Variants in ASTN2 observed in about 807,000 individuals in gnomAD.
ASTN2 encodes the protein astrotactin-2.
Under a neutral mutation model 139.8 loss-of-function variants are expected in ASTN2, and 54 were observed. The ratio of observed to expected loss-of-function variants is 0.39; its 90% confidence interval spans 0.31 to 0.48. The LOEUF (loss-of-function observed/expected upper bound fraction) is 0.48. ASTN2 is among the 20% of genes least tolerant of loss of function. ASTN2 has a pLI of 0.95. For synonymous variants in ASTN2, 756 were observed against 719.5 expected (o/e 1.05, Z -0.81); for missense variants, 1,565 against 1,725.1 (o/e 0.91, Z 1.64).
intron 10 of ASTN2, among the ~76,000 whole-genome samples, chr9:116,939,287 C>T (rs1835162534): frequency 6.6e-6 from 1 of 151,954 alleles, no homozygotes; most frequent in African/African-American, 2.4e-5. Flanking sequence ...TACATGGTAG[C>T]TAGCACACAG....
intron 3 of ASTN2, among the ~76,000 whole-genome samples, chr9:117,202,700 C>T (rs534403961): frequency 1.6e-4 from 24 of 152,252 alleles, no homozygotes; most frequent in Admixed American, 5.2e-4. Flanking sequence ...TGCTGAGAGG[C>T]CCACTGTTAT....
Position 116,911,975 on chromosome 9 carries a change from A to G in ASTN2, c.1890-48242T>C, listed in dbSNP as rs146218376. Among the ~76,000 whole-genome samples the G allele has an allele frequency of 2.0e-3, 303 of 152,254 alleles. 2 individuals carry two copies. The highest frequency in any genetic ancestry group is 0.01 in the Middle Eastern group (3 of 294). On this transcript the variant is annotated intron_variant, in intron 10 of 22. Coordinates refer to ENST00000313400, the MANE Select transcript of ASTN2 (RefSeq NM_001365068.1). ...TCTATAAATCTAAAATTAGTTAAAA[A>G]AAACTTGCCTAGAAACAACAACAAT...
intron 19 of ASTN2, among the ~76,000 whole-genome samples, chr9:116,613,827 G>A (rs1247559831): frequency 6.6e-6 from 1 of 152,182 alleles, no homozygotes; most frequent in Non-Finnish European, 1.5e-5. Flanking sequence ...AGACAGGGAT[G>A]CCCTCTCTCA....
At chr9:116,858,869 A>T (rs566516873) in intron 11 of ASTN2, among the ~76,000 whole-genome samples, 1 of 152,276 alleles carries the variant, frequency 6.6e-6, no homozygotes, top group South Asian at 2.1e-4. Context: ...TTTTATTGCT[A>T]TTGTAGCAAA....
chr9:116,865,540 C>T (rs777147648), intron 10 of ASTN2, among the ~76,000 whole-genome samples: 23 of 150,878 alleles, frequency 1.5e-4, no homozygotes, highest in Non-Finnish European at 2.2e-4. Flanking sequence ...CTGCAGGGAG[C>T]TCTGGAGCTG....
intron 3 of ASTN2, among the ~76,000 whole-genome samples, chr9:117,167,989 G>A (rs1226765715): frequency 1.3e-5 from 2 of 152,086 alleles, no homozygotes; most frequent in East Asian, 3.9e-4. Flanking sequence ...AGAAACCCAG[G>A]GCAGTGGGCA....
At chr9:116,449,437 T>C (rs1470399439) in intron 20 of ASTN2, among the ~76,000 whole-genome samples, 1 of 152,146 alleles carries the variant, frequency 6.6e-6, no homozygotes, top group Non-Finnish European at 1.5e-5. Context: ...ATAAAATGTG[T>C]ATGATAATAT....
intron 17 of ASTN2, among the ~76,000 whole-genome samples, chr9:116,642,155 A>AAAAC (rs1554724609): frequency 6.7e-6 from 1 of 149,796 alleles, no homozygotes; most frequent in African/African-American, 2.5e-5. Flanking sequence ...ACAAAAAAAA[A>AAAAC]CAGAATCAGT....
At chr9:117,377,652 T>C (rs1830159195) in intron 1 of ASTN2, among the ~76,000 whole-genome samples, 2 of 150,564 alleles carry the variant, frequency 1.3e-5, no homozygotes, top group South Asian at 4.2e-4. Flanking sequence ...TATATATAAA[T>C]ATATATATAT....
At chr9:117,146,185 C>A (rs1830190776) in intron 3 of ASTN2, among the ~76,000 whole-genome samples, 1 of 152,072 alleles carries the variant, frequency 6.6e-6, no homozygotes, top group Non-Finnish European at 1.5e-5. Flanking sequence ...ATCAAGTTGT[C>A]CAAACAAGCC....
At chr9:116,983,948 C>T (rs11787811) in intron 7 of ASTN2, among the ~76,000 whole-genome samples, 2,835 of 152,148 alleles carry the variant, frequency 0.019, 44 homozygotes, top group Middle Eastern at 0.058. Flanking sequence ...GAAAAAGATG[C>T]TTACTTATAG....
chr9:116,539,534 T>C (rs1434758563), intron 19 of ASTN2, among the ~76,000 whole-genome samples: 1 of 152,182 alleles, frequency 6.6e-6, no homozygotes, highest in Non-Finnish European at 1.5e-5. Flanking sequence ...AACACTTATT[T>C]TGTTTATAGC....
At position 116,546,883 on chromosome 9, in the gene ASTN2, C is replaced by T. The variant is rs556185784; in HGVS notation, c.3356-59383G>A. On this transcript the variant is annotated intron_variant, in intron 19 of 22. Coordinates refer to ENST00000313400, the MANE Select transcript of ASTN2 (RefSeq NM_001365068.1). The stretch of plus-strand genomic sequence containing the variant: ...GCAATCAATACATTGAGGGAGCAGG[C>T]GTTGAACTCTTGTCACTGACTCCAA... Among the ~76,000 whole-genome samples, 555 of 152,266 alleles carry T rather than the reference C, an allele frequency of 3.6e-3. 3 individuals are homozygous for T. Among genetic ancestry groups the T allele is most frequent in the Non-Finnish European group, 6.6e-3 (446 of 68,020 alleles).
chr9:117,329,168 C>A (rs907692165), intron 1 of ASTN2, among the ~76,000 whole-genome samples: 3 of 146,370 alleles, frequency 2.0e-5, no homozygotes, highest in African/African-American at 7.5e-5. Flanking sequence ...TAACCTACTG[C>A]ACTTCCAAGT....
intron 19 of ASTN2, among the ~76,000 whole-genome samples, chr9:116,533,710 C>T (rs1423091648): frequency 2.0e-5 from 3 of 152,188 alleles, no homozygotes; most frequent in African/African-American, 7.2e-5. Context: ...AGGGATGAAG[C>T]CCACTTGATC....
At chr9:116,533,211 G>T (rs1449378690) in intron 19 of ASTN2, among the ~76,000 whole-genome samples, 2 of 152,160 alleles carry the variant, frequency 1.3e-5, no homozygotes, top group African/African-American at 4.8e-5. Flanking sequence ...CATTGATTTT[G>T]TATCCTGAGA....
At chr9:116,867,549 CAAAAAAAAAAAA>C (rs58222492) in intron 10 of ASTN2, among the ~76,000 whole-genome samples, 1 of 78,306 alleles carries the variant, frequency 1.3e-5, no homozygotes, top group South Asian at 6.8e-4. Context: ...GACTCTGTCT[CAAAAAAAAAAAA>C]AAAAAAAAAA....
rs1564218762 is a variant in ASTN2 at position 116,699,723 on chromosome 9, T to C, written c.2806+26048A>G. On this transcript the variant is annotated intron_variant, in intron 16 of 22. Transcript: ENST00000313400. The surrounding 1 kb of genome is among the most constrained non-coding windows in gnomAD (Gnocchi z 4.2). ...CCCATAGGGGATGAGAAATTATCAG[T>C]TTCTTCTGCTCCCAAGCCAACTTCC... 6.2e-7 allele frequency: 1 copy of C among 1,614,042 alleles called. No individual in the cohort carries two copies. Among genetic ancestry groups the C allele is most frequent in the Non-Finnish European group, 8.5e-7 (1 of 1,180,054 alleles).
chr9:116,699,181 C>T lies in ASTN2; in HGVS notation c.2806+26590G>A. 2 of 1,614,250 alleles carry T rather than the reference C, an allele frequency of 1.2e-6. No individual in the cohort carries two copies. The highest frequency in any genetic ancestry group is 8.5e-7 in the Non-Finnish European group (1 of 1,180,046). Reference sequence around the variant, plus strand: ...CCATGGGGTATCACAGCCTTGCCATCTGGCCAGTTTGTAGTAACCGATGTG... The same window carrying T: ...CCATGGGGTATCACAGCCTTGCCATTTGGCCAGTTTGTAGTAACCGATGTG... On this transcript the variant is annotated intron_variant, in intron 16 of 22. Coordinates refer to ENST00000313400, the MANE Select transcript of ASTN2 (RefSeq NM_001365068.1). The surrounding 1 kb of genome is among the most constrained non-coding windows in gnomAD (Gnocchi z 4.2).
Sources: allele counts gnomAD v4.1 joint callset (sites outside exome capture counted in the v4.1 genomes callset), GRCh38; gene constraint gnomAD v4.1.1; non-coding constraint Gnocchi (gnomAD v3.1); transcripts MANE v1.5; gene names NCBI Gene and HGNC (gene_info 2026-07-23, HGNC 2026-07-21).